The following RAD23A variants were observed in gnomAD, a reference collection of about 807,000 sequenced individuals.
The protein encoded by RAD23A is lysine-specific demethylase RAD23A.
A neutral mutation model predicts 44.8 loss-of-function variants in RAD23A; 16 were observed. That is an observed-to-expected ratio of 0.36 (90% CI 0.24 to 0.54). The LOEUF is 0.54. RAD23A is among the 20% of genes least tolerant of loss of function. The pLI is 0.89. For missense variants in RAD23A, 380 were observed against 483.3 expected (o/e 0.79, Z 2.00); for synonymous variants, 217 against 202.9 (o/e 1.07, Z -0.59).
intron 1 of RAD23A, 129 bp downstream of exon 1, chr19:12,946,149 C>T (rs1241031856): frequency 2.3e-6 from 2 of 872,224 alleles, no homozygotes; most frequent in Non-Finnish European, 3.4e-6. Context: ...AGACCCCCGA[C>T]CTGCCCGACT....
At chr19:12,951,862 G>C (rs1971821565) in intron 7 of RAD23A, among the ~76,000 whole-genome samples, 1 of 152,130 alleles carries the variant, frequency 6.6e-6, no homozygotes, top group Non-Finnish European at 1.5e-5. Context: ...CATACTGCAG[G>C]CCTCTCCACC....
chr19:12,951,029 A>G (rs1377743319), intron 7 of RAD23A, among the ~76,000 whole-genome samples: 2 of 152,222 alleles, frequency 1.3e-5, no homozygotes, highest in Non-Finnish European at 2.9e-5. Flanking sequence ...GCCCCACTGC[A>G]CTCCAGCCTG....
rs777174702 is a variant in RAD23A, at chr19:12,948,690, G to A, written c.477G>A (p.Thr159=). 9 of 1,611,906 alleles carry A rather than the reference G, an allele frequency of 5.6e-6. No homozygotes were observed. Among genetic ancestry groups the A allele is most frequent in the African/African-American group, 2.7e-5 (2 of 74,834 alleles). ...REEDAASTLV[T]GSEYETMLTE... ...GCTTTGCTGCTTCCTCCACAGTGAC[G>A]GGCTCTGAGTATGAGACGATGCTGA... The change falls in exon 5 of 9, where the codon ACG becomes ACA. Residue 159 remains threonine, a synonymous_variant. Transcript: ENST00000586534. The surrounding 1 kb of genome is among the most constrained non-coding windows in gnomAD (Gnocchi z 5.5).
intron 8 of RAD23A, 27 bp downstream of exon 8, chr19:12,952,880 G>A (rs775541647): frequency 1.9e-6 from 3 of 1,605,098 alleles, no homozygotes; most frequent in South Asian, 2.2e-5. Context: ...AGGGGTGACT[G>A]CAGGTGGGCA....
At position 12,948,970 on chromosome 19, in the gene RAD23A, T is replaced by TG; in HGVS notation, c.601-108dup. The TG allele has an allele frequency of 6.6e-7, 1 of 1,516,828 alleles. No homozygotes were observed. Among genetic ancestry groups the TG allele is most frequent in the Non-Finnish European group, 9.0e-7 (1 of 1,109,002 alleles). The allele number at this position is 1,516,828 out of a possible 1,614,324, so 94.0% of individuals were successfully genotyped here. A position where few individuals can be genotyped will look rare whatever the true frequency, so the allele number is the denominator to read the frequency against. ...CCCACAGGAGGCTGGATGTGAGTGA[T>TG]GGGTGGGCCTCTGGAGGGCAGGGCC... On this transcript the variant is annotated intron_variant, in intron 5 of 8. Transcript: ENST00000586534. This position sits in a 1 kb window ranked among gnomAD's most constrained non-coding sequence, Gnocchi z 5.5.
In RAD23A at chr19:12,948,808, C is replaced by T; in HGVS notation, c.595C>T (p.Leu199Phe). ...CCCCCACCGAGCCGTGGAGTATCTG[C>T]TCACGGTGAGGTGGGGCTTCCGCCT... ...NNPHRAVEYLLTGIPGSPEPE... is the reference protein window; with the variant it reads ...NNPHRAVEYLFTGIPGSPEPE... Residue 199 changes from leucine to phenylalanine, a missense_variant, in exon 5 of 9, where the codon CTC (leucine) becomes TTC (phenylalanine). Transcript: ENST00000586534. The surrounding 1 kb of genome is among the most constrained non-coding windows in gnomAD (Gnocchi z 5.5). 6.2e-7 allele frequency: 1 copy of T among 1,604,700 alleles called. No homozygotes were observed. Among genetic ancestry groups the T allele is most frequent in the Non-Finnish European group, 8.5e-7 (1 of 1,176,906 alleles).
chr19:12,946,084 G>GGGTTGGGGGGGGGGGGGGGGGGGGGGGC, intron 1 of RAD23A, 64 bp downstream of exon 1: 2 of 512,146 alleles, frequency 3.9e-6, no homozygotes, highest in Non-Finnish European at 7.3e-6. Context: ...TGGGGGCGGG[G>GGGTTGGGGGGGGGGGGGGGGGGGGGGGC]AGGCTAGAAT....
chr19:12,951,320 T>C (rs1454536255), intron 7 of RAD23A, among the ~76,000 whole-genome samples: 1 of 152,192 alleles, frequency 6.6e-6, no homozygotes, highest in Non-Finnish European at 1.5e-5. Flanking sequence ...TCTTTTCCCA[T>C]GTAACTGTCA....
intron 1 of RAD23A, among the ~76,000 whole-genome samples, chr19:12,946,626 A>G (rs1971681807): frequency 6.6e-6 from 1 of 152,196 alleles, no homozygotes; most frequent in Non-Finnish European, 1.5e-5. Flanking sequence ...GAACTTTGCC[A>G]CAGTCACACA....
chr19:12,951,438 T>TTTG (rs1028011962), intron 7 of RAD23A, among the ~76,000 whole-genome samples: 1 of 152,112 alleles, frequency 6.6e-6, no homozygotes, highest in Non-Finnish European at 1.5e-5. Flanking sequence ...TTTTGTTTTT[T>TTTG]TTGTTGTTGT....
chr19:12,948,677 C>A lies in RAD23A; in HGVS notation c.473-9C>A, dbSNP rs908538554. ...CCTGGTGACCTAGGCTTTGCTGCTTCCTCCACAGTGACGGGCTCTGAGTAT... is the reference window on the plus strand; with the variant it reads ...CCTGGTGACCTAGGCTTTGCTGCTTACTCCACAGTGACGGGCTCTGAGTAT... On this transcript the variant is annotated splice_polypyrimidine_tract_variant and intron_variant, in intron 4 of 8. Transcript: ENST00000586534. This position sits in a 1 kb window ranked among gnomAD's most constrained non-coding sequence, Gnocchi z 5.5. 1 of 1,609,780 alleles carries A rather than the reference C, an allele frequency of 6.2e-7. No homozygotes were observed. Among genetic ancestry groups the A allele is most frequent in the African/African-American group, 1.3e-5 (1 of 74,776 alleles).
chr19:12,953,130 T>A lies in RAD23A; in HGVS notation c.*81T>A, dbSNP rs1005430416. ...TATAAAAGAAAAAATATATATATAT[T>A]CATGTTTATTTAAGAAATGGAAAAA... On this transcript the variant is annotated 3_prime_UTR_variant, in exon 9 of 9. Transcript: ENST00000586534. 8.0e-6 allele frequency: 7 copies of A among 872,730 alleles called. No individual in the cohort carries two copies. The highest frequency in any genetic ancestry group is 5.3e-5 in the African/African-American group (3 of 56,308). 54.1% of individuals were successfully genotyped at this position (872,730 alleles called of 1,614,324 possible). A position where few individuals can be genotyped will look rare whatever the true frequency, so the allele number is the denominator to read the frequency against.
rs1971754410 is a variant in RAD23A at position 12,949,647 on chromosome 19, C to T, written c.813+239C>T. 8 of 561,478 alleles carry T rather than the reference C, an allele frequency of 1.4e-5. 1 individual carries two copies. In the Admixed American group the frequency reaches 2.5e-4, roughly 17 times the overall value. The allele number at this position is 561,478 out of a possible 1,614,324, so 34.8% of individuals were successfully genotyped here. On this transcript the variant is annotated intron_variant, in intron 7 of 8. Coordinates refer to ENST00000586534, the MANE Select transcript of RAD23A (RefSeq NM_005053.4). ...CTCCCACAGAAGAAGACACCGGAAA[C>T]TTAGAGCAGCCTGTCATTCCCAGGG...
rs776448820 is a variant in RAD23A, at chr19:12,949,184, C to T, written c.679+25C>T. 7.4e-6 allele frequency: 12 copies of T among 1,614,112 alleles called. 1 individual carries two copies. In the Admixed American group the frequency reaches 1.2e-4, roughly 16 times the overall value. ...GGTGGGTGTGCACATGCCGCATCTGCCCTCCAGGTACCTGACTCACATTAC... is the reference window on the plus strand; with the variant it reads ...GGTGGGTGTGCACATGCCGCATCTGTCCTCCAGGTACCTGACTCACATTAC... On this transcript the variant is annotated intron_variant, in intron 6 of 8. Transcript: ENST00000586534.
intron 7 of RAD23A, among the ~76,000 whole-genome samples, chr19:12,950,032 C>G (rs1455357376): frequency 6.6e-6 from 1 of 152,078 alleles, no homozygotes; most frequent in African/African-American, 2.4e-5. Flanking sequence ...CTGCACTCAG[C>G]CCTCCCTCAT....
chr19:12,946,719 T>C (rs999910926), intron 1 of RAD23A, among the ~76,000 whole-genome samples: 41 of 152,180 alleles, frequency 2.7e-4, no homozygotes, highest in African/African-American at 9.4e-4. Context: ...GCCTTTTTAG[T>C]CAAAAGTAGA....
At chr19:12,949,595 G>T in intron 7 of RAD23A, 187 bp downstream of exon 7, 1 of 709,394 alleles carries the variant, frequency 1.4e-6, no homozygotes, top group African/African-American at 1.8e-5. Flanking sequence ...CAACCACCTT[G>T]TAAGGTGTGG....
intron 1 of RAD23A, among the ~76,000 whole-genome samples, chr19:12,946,656 G>T (rs1315988747): frequency 3.3e-5 from 5 of 152,174 alleles, no homozygotes; most frequent in Non-Finnish European, 2.9e-5. Context: ...GCAGAGCTGG[G>T]ATTCAAATTC....
chr19:12,948,122 G>C lies in RAD23A; in HGVS notation c.235-55G>C. The C allele has an allele frequency of 1.2e-6, 2 of 1,611,226 alleles. No individual in the cohort carries two copies. Among genetic ancestry groups the C allele is most frequent in the Admixed American group, 3.3e-5 (2 of 60,000 alleles). ...ACAGGGCGGGGCCACAGCGGAGCGGGTTGTTGGGTCTGATAGGGTTGCTGA... is the reference window on the plus strand; with the variant it reads ...ACAGGGCGGGGCCACAGCGGAGCGGCTTGTTGGGTCTGATAGGGTTGCTGA... On this transcript the variant is annotated intron_variant, in intron 2 of 8. Coordinates refer to ENST00000586534, the MANE Select transcript of RAD23A (RefSeq NM_005053.4). The surrounding 1 kb of genome is among the most constrained non-coding windows in gnomAD (Gnocchi z 5.5).
Sources: allele counts gnomAD v4.1 joint callset (sites outside exome capture counted in the v4.1 genomes callset), GRCh38; gene constraint gnomAD v4.1.1; non-coding constraint Gnocchi (gnomAD v3.1); transcripts MANE v1.5; gene names NCBI Gene and HGNC (gene_info 2026-07-23, HGNC 2026-07-21).